HECTD4: variants seen among roughly 807,000 people sequenced by gnomAD.
HECTD4 encodes the protein probable E3 ubiquitin-protein ligase HECTD4.
HECTD4 carries 114 observed loss-of-function variants against 471.5 expected under a neutral mutation model. The ratio of observed to expected loss-of-function variants is 0.24; its 90% confidence interval spans 0.21 to 0.28. HECTD4 has a LOEUF of 0.28. Among genes scored for constraint, HECTD4 ranks in the 10% least tolerant of loss-of-function variants. The pLI is 1.00. For missense variants in HECTD4, 3,866 were observed against 5,651.5 expected, an observed-to-expected ratio of 0.68 and a Z score of 10.13; for synonymous variants, 2,012 against 2,256.0, an observed-to-expected ratio of 0.89 and a Z score of 3.07.
intron 8 of HECTD4, 85 bp downstream of exon 8, chr12:112,283,025 G>T: frequency 1.8e-6 from 2 of 1,087,922 alleles, no homozygotes; most frequent in Non-Finnish European, 2.6e-6. Context: ...AAAGGGCTTT[G>T]TACAGCACGG....
In HECTD4 at chr12:112,170,554, C is replaced by A. The variant is rs955461958; in HGVS notation, c.11933-102G>T. ...GTCCCTGGGTGTGGCACTCTCAGGC[C>A]CCCTGGTGGCAGTAGAGCCGGGCCC... On this transcript the variant is annotated intron_variant, in intron 68 of 75. Coordinates refer to ENST00000682272, the MANE Select transcript of HECTD4 (RefSeq NM_001388303.1). The A allele has an allele frequency of 2.3e-5, 33 of 1,460,628 alleles. No homozygotes were observed. In the South Asian group the frequency reaches 3.8e-4, roughly 17 times the overall value. The allele number at this position is 1,460,628 out of a possible 1,614,324, so 90.5% of individuals were successfully genotyped here.
intron 1 of HECTD4, among the ~76,000 whole-genome samples, chr12:112,379,717 T>TTA (rs56053560): frequency 0.15 from 22,032 of 147,282 alleles, 1,738 homozygotes; most frequent in South Asian, 0.34. Context: ...AAAAGATTTT[T>TTA]TATATATATA....
intron 45 of HECTD4, among the ~76,000 whole-genome samples, chr12:112,218,211 A>G (rs550284414): frequency 1.3e-5 from 2 of 152,234 alleles, no homozygotes; most frequent in South Asian, 4.1e-4. Context: ...GAAGTGTATA[A>G]GTCAATGTTT....
intron 7 of HECTD4, among the ~76,000 whole-genome samples, chr12:112,298,136 G>A (rs1208495389): frequency 1.3e-5 from 2 of 152,134 alleles, no homozygotes; most frequent in African/African-American, 4.8e-5. Context: ...CAAAGACAAT[G>A]AAAATAAATG....
chr12:112,316,185 C>T (rs907873823), intron 2 of HECTD4, among the ~76,000 whole-genome samples: 1 of 152,082 alleles, frequency 6.6e-6, no homozygotes, highest in African/African-American at 2.4e-5. Flanking sequence ...CCCTCAGATA[C>T]CCCAAGCACA....
At chr12:112,368,873 TA>T (rs957304483) in intron 1 of HECTD4, among the ~76,000 whole-genome samples, 5 of 151,972 alleles carry the variant, frequency 3.3e-5, no homozygotes, top group African/African-American at 9.6e-5. Context: ...TTCACATAGG[TA>T]AAAAAAATGT....
intron 1 of HECTD4, among the ~76,000 whole-genome samples, chr12:112,358,938 G>A (rs2036397160): frequency 6.6e-6 from 1 of 152,108 alleles, no homozygotes; most frequent in Admixed American, 6.6e-5. Flanking sequence ...CACTTTGGGA[G>A]GCCGAGGCAG....
At chr12:112,227,988 G>T in intron 43 of HECTD4, 101 bp downstream of exon 43, 1 of 1,044,628 alleles carries the variant, frequency 9.6e-7, no homozygotes, top group Non-Finnish European at 1.4e-6. Flanking sequence ...GCTTCAAGCT[G>T]TGGATTCACT....
chr12:112,311,966 C>T (rs1217807997), intron 4 of HECTD4, among the ~76,000 whole-genome samples: 5 of 152,238 alleles, frequency 3.3e-5, no homozygotes, highest in Non-Finnish European at 5.9e-5. Context: ...TCTCCACACA[C>T]TCTCATGCCT....
chr12:112,309,012 C>T, intron 5 of HECTD4, 121 bp from the exon 6 acceptor site: 2 of 1,004,102 alleles, frequency 2.0e-6, no homozygotes, highest in East Asian at 2.6e-5. Flanking sequence ...GTATGTAAAA[C>T]ATCTGAAGGA....
At chr12:112,227,931 T>C (rs2033283423) in intron 43 of HECTD4, among the ~76,000 whole-genome samples, 158 bp downstream of exon 43, 1 of 152,198 alleles carries the variant, frequency 6.6e-6, no homozygotes, top group African/African-American at 2.4e-5. Flanking sequence ...CAACGAACTA[T>C]GGTAAAAACT....
In HECTD4 at chr12:112,216,308, G is replaced by C. The variant is rs528371214; in HGVS notation, c.7449C>G (p.Asp2483Glu). Residue 2483 changes from aspartate to glutamate, a missense_variant, in exon 48 of 76, where the codon GAC becomes GAG. Physicochemically the swap from Asp to Glu is conservative, Grantham distance 45. Transcript: ENST00000682272. ...TGCACTCACCGGGGGAGAGAGTCACGTCTAAGCGAACGCTCTTCCACTGTA... is the reference window on the plus strand; with the variant it reads ...TGCACTCACCGGGGGAGAGAGTCACCTCTAAGCGAACGCTCTTCCACTGTA... Reference protein sequence around the residue: ...SLLQWKSVRLDVTLSPGDVAG... With the variant: ...SLLQWKSVRLEVTLSPGDVAG... 6.4e-7 allele frequency: 1 copy of C among 1,553,796 alleles called. No homozygotes were observed. Among genetic ancestry groups the C allele is most frequent in the South Asian group, 1.2e-5 (1 of 84,198 alleles).
intron 1 of HECTD4, among the ~76,000 whole-genome samples, chr12:112,324,926 A>G (rs1278747607): frequency 1.3e-5 from 2 of 152,200 alleles, no homozygotes; most frequent in East Asian, 3.8e-4. Context: ...ATACATTTTT[A>G]TTTATGGTAC....
intron 1 of HECTD4, among the ~76,000 whole-genome samples, chr12:112,372,220 C>T (rs1260873894): frequency 6.6e-6 from 1 of 151,388 alleles, no homozygotes; most frequent in African/African-American, 2.4e-5. Flanking sequence ...TCAAGTGATC[C>T]TCCCACCTCA....
At chr12:112,289,696 T>C (rs937378704) in intron 7 of HECTD4, among the ~76,000 whole-genome samples, 1 of 151,988 alleles carries the variant, frequency 6.6e-6, no homozygotes, top group South Asian at 2.1e-4. Context: ...TTTGTTTTTT[T>C]GAGACAGTCT....
rs2033586595 is a variant in HECTD4 at position 112,239,315 on chromosome 12, G to T, written c.5106-79C>A. On this transcript the variant is annotated intron_variant, in intron 33 of 75. Coordinates refer to ENST00000682272, the MANE Select transcript of HECTD4 (RefSeq NM_001388303.1). This position sits in a 1 kb window ranked among gnomAD's most constrained non-coding sequence, Gnocchi z 4.9. The stretch of plus-strand genomic sequence containing the variant: ...AAACTCTCATGTGAGGTTCAAAGGG[G>T]CATAAAACATGCTGGTGCAGCTCTT... The T allele has an allele frequency of 8.0e-7, 1 of 1,245,838 alleles. No individual in the cohort carries two copies. The highest frequency in any genetic ancestry group is 1.1e-6 in the Non-Finnish European group (1 of 910,524). The allele number at this position is 1,245,838 out of a possible 1,614,324, so 77.2% of individuals were successfully genotyped here. A position where few individuals can be genotyped will look rare whatever the true frequency, so the allele number is the denominator to read the frequency against.
chr12:112,283,441 A>C (rs2034686813), intron 7 of HECTD4, 139 bp from the exon 8 acceptor site: 2 of 621,166 alleles, frequency 3.2e-6, no homozygotes, highest in Non-Finnish European at 5.5e-6. Flanking sequence ...TAAAACTTAA[A>C]TGTGCTATAG....
intron 20 of HECTD4, 85 bp from the exon 21 acceptor site, chr12:112,256,603 C>T: frequency 1.1e-6 from 1 of 921,554 alleles, no homozygotes; most frequent in South Asian, 2.5e-5. Context: ...TTTAATTTTC[C>T]ACAGCATGCA....
intron 62 of HECTD4, among the ~76,000 whole-genome samples, chr12:112,182,526 G>T (rs2031715135): frequency 6.6e-6 from 1 of 152,186 alleles, no homozygotes; most frequent in Non-Finnish European, 1.5e-5. Context: ...TTACAAGGGG[G>T]ACGCATGAGC....
Sources: allele counts gnomAD v4.1 joint callset (sites outside exome capture counted in the v4.1 genomes callset), GRCh38; gene constraint gnomAD v4.1.1; non-coding constraint Gnocchi (gnomAD v3.1); transcripts MANE v1.5; gene names NCBI Gene and HGNC (gene_info 2026-07-23, HGNC 2026-07-21).